XKR9: variants seen among roughly 807,000 people sequenced by gnomAD.
The protein encoded by XKR9 is XK related 9, also known as XK-related protein 9.
Under a neutral mutation model 32.0 loss-of-function variants are expected in XKR9, and 32 were observed. The observed-to-expected ratio is 1.00, with a 90% CI of 0.76 to 1.34. The LOEUF (loss-of-function observed/expected upper bound fraction) is 1.34. XKR9 is among the 40% of genes most tolerant of loss of function. XKR9 has a pLI of 0.00. For synonymous variants in XKR9, 168 were observed against 143.4 expected, an observed-to-expected ratio of 1.17 and a Z score of -1.22; for missense variants, 546 against 429.7, an observed-to-expected ratio of 1.27 and a Z score of -2.39.
the XKR9 span, among the ~76,000 whole-genome samples, chr8:70,873,548 G>A: frequency 6.6e-6 from 1 of 152,224 alleles, no homozygotes; most frequent in Non-Finnish European, 1.5e-5. Flanking sequence ...AAGAATAACT[G>A]TAGGTGTGGT....
At chr8:70,889,523 T>C in the XKR9 span, among the ~76,000 whole-genome samples, 1 of 151,834 alleles carries the variant, frequency 6.6e-6, no homozygotes, top group Non-Finnish European at 1.5e-5. Flanking sequence ...GAGCATAATA[T>C]CCAATAGTTA....
chr8:70,967,477 A>C, the XKR9 span, among the ~76,000 whole-genome samples: 1 of 152,084 alleles, frequency 6.6e-6, no homozygotes, highest in African/African-American at 2.4e-5. Flanking sequence ...TCCTGTCATG[A>C]TGATATTAGC....
the XKR9 span, among the ~76,000 whole-genome samples, chr8:71,040,431 G>A: frequency 6.6e-6 from 1 of 152,282 alleles, no homozygotes; most frequent in African/African-American, 2.4e-5. Flanking sequence ...AACATACTAG[G>A]TAATTGTGAA....
the XKR9 span, among the ~76,000 whole-genome samples, chr8:70,866,196 G>A: frequency 6.6e-6 from 1 of 152,204 alleles, no homozygotes; most frequent in Non-Finnish European, 1.5e-5. Flanking sequence ...GGTGAAAACT[G>A]AGATTCAAAA....
At chr8:70,824,979 A>G in the XKR9 span, among the ~76,000 whole-genome samples, 1 of 152,048 alleles carries the variant, frequency 6.6e-6, no homozygotes, top group South Asian at 2.1e-4. Context: ...TGTTTTCTCA[A>G]TCCTGAAAGT....
chr8:70,767,300 AT>A (rs1267451127), intron 2 of XKR9, among the ~76,000 whole-genome samples: 1 of 151,972 alleles, frequency 6.6e-6, no homozygotes, highest in Admixed American at 6.6e-5. Context: ...TTATTCAGGG[AT>A]TTGACTTCTT....
intron 3 of XKR9, among the ~76,000 whole-genome samples, chr8:70,692,987 G>T (rs1456417008): frequency 6.6e-6 from 1 of 152,226 alleles, no homozygotes; most frequent in African/African-American, 2.4e-5. Context: ...CATCTGTTGA[G>T]AAGATTGTGT....
At chr8:70,841,688 A>T in the XKR9 span, among the ~76,000 whole-genome samples, 1 of 152,178 alleles carries the variant, frequency 6.6e-6, no homozygotes, top group African/African-American at 2.4e-5. Flanking sequence ...ATGTTCCTTC[A>T]ATTTGAGTTT....
the XKR9 span, among the ~76,000 whole-genome samples, chr8:70,964,370 C>T: frequency 6.6e-6 from 1 of 152,050 alleles, no homozygotes; most frequent in Non-Finnish European, 1.5e-5. Flanking sequence ...TTACTGTAGC[C>T]TTGTAGTATT....
chr8:70,787,608 A>T (rs1256823732), intron 2 of XKR9, among the ~76,000 whole-genome samples: 1 of 152,102 alleles, frequency 6.6e-6, no homozygotes, highest in Non-Finnish European at 1.5e-5. Context: ...GTGCTTTGTT[A>T]ATCTGGTTAC....
the XKR9 span, among the ~76,000 whole-genome samples, chr8:70,994,532 CA>C: frequency 2.0e-5 from 3 of 151,814 alleles, no homozygotes; most frequent in African/African-American, 4.8e-5. Context: ...TGGCTTCTTC[CA>C]ATATTTTCTC....
the XKR9 span, among the ~76,000 whole-genome samples, chr8:70,910,920 T>C: frequency 3.3e-5 from 5 of 152,240 alleles, no homozygotes; most frequent in African/African-American, 1.2e-4. Flanking sequence ...CTACATATTC[T>C]TTAGCTTACA....
At chr8:70,896,339 A>G in the XKR9 span, among the ~76,000 whole-genome samples, 3 of 152,254 alleles carry the variant, frequency 2.0e-5, no homozygotes, top group African/African-American at 7.2e-5. Context: ...CTGGACCTGG[A>G]TTTTATAGAA....
the XKR9 span, among the ~76,000 whole-genome samples, chr8:70,814,234 T>C: frequency 2.6e-5 from 4 of 152,092 alleles, no homozygotes; most frequent in African/African-American, 9.6e-5. Context: ...ATAGGTGGAA[T>C]TGAACAATGA....
chr8:70,857,151 C>CA, the XKR9 span, among the ~76,000 whole-genome samples: 1 of 151,900 alleles, frequency 6.6e-6, no homozygotes, highest in Non-Finnish European at 1.5e-5. Context: ...AATAGAGACA[C>CA]AAAAAACCCT....
chr8:70,806,878 C>A, the XKR9 span, among the ~76,000 whole-genome samples: 20 of 152,198 alleles, frequency 1.3e-4, 1 homozygote, highest in South Asian at 3.3e-3. Flanking sequence ...CCCAACCTAG[C>A]AAGACAGGCC....
the XKR9 span, among the ~76,000 whole-genome samples, chr8:71,045,018 G>T: frequency 6.6e-5 from 10 of 152,158 alleles, no homozygotes; most frequent in African/African-American, 1.9e-4. Flanking sequence ...TTTGGTGAGG[G>T]TTATGAGAAC....
At chr8:70,726,230 G>A (rs1439938761) in intron 4 of XKR9, among the ~76,000 whole-genome samples, 1 of 152,186 alleles carries the variant, frequency 6.6e-6, no homozygotes, top group African/African-American at 2.4e-5. Flanking sequence ...ATGCCCCAAA[G>A]AAATCAGCAG....
chr8:70,738,295 TC>T (rs1407876818), downstream of XKR9, among the ~76,000 whole-genome samples: 3 of 144,524 alleles, frequency 2.1e-5, no homozygotes, highest in African/African-American at 7.5e-5. Flanking sequence ...AGTTTGTATT[TC>T]TGTGGGATCG....
Sources: gnomAD v4.1 joint callset for allele counts (sites outside exome capture counted in the v4.1 genomes callset) on GRCh38, gnomAD v4.1.1 for gene constraint, MANE v1.5 for transcripts, NCBI Gene and HGNC (gene_info 2026-07-23, HGNC 2026-07-21) for gene names.